USP12: variants seen among roughly 807,000 people sequenced by gnomAD.
USP12 encodes the protein ubiquitin carboxyl-terminal hydrolase 12.
In USP12, 19 loss-of-function variants were observed where a neutral mutation model predicts 45.5. The observed-to-expected ratio is 0.42, with a 90% CI of 0.29 to 0.61. The LOEUF (loss-of-function observed/expected upper bound fraction) is 0.61. Among genes scored for constraint, USP12 ranks in the 20% least tolerant of loss-of-function variants. The pLI is 0.22. For synonymous variants in USP12, 149 were observed against 148.8 expected (o/e 1.00, Z -0.01); for missense variants, 242 against 447.7 (o/e 0.54, Z 4.15).
chr13:27,095,665 G>C lies in USP12; in HGVS notation c.509C>G (p.Thr170Arg). 1 of 1,612,220 alleles carries C rather than the reference G, an allele frequency of 6.2e-7. No individual in the cohort carries two copies. Among genetic ancestry groups the C allele is most frequent in the Non-Finnish European group, 8.5e-7 (1 of 1,179,256 alleles). ...TCCCTGAAAAATCTCATGAACCCAC[G>C]TTGGGTCTGGTGTGCTGTTATTATT... ...NENNNSTPDP[T>R]WVHEIFQGTL... The change falls in exon 4 of 9, where the codon ACG becomes AGG. Residue 170 changes from threonine to arginine, a missense_variant. Physicochemically the swap from Thr to Arg is moderately conservative, Grantham distance 71. Transcript: ENST00000282344.
intron 1 of USP12, among the ~76,000 whole-genome samples, chr13:27,140,438 A>T (rs1190201706): frequency 6.6e-6 from 1 of 152,220 alleles, no homozygotes; most frequent in African/African-American, 2.4e-5. Context: ...ATCAATAAGG[A>T]ATATTAAGCA....
chr13:27,084,219 A>ACACAC (rs1565983887), intron 6 of USP12, among the ~76,000 whole-genome samples: 13 of 97,188 alleles, frequency 1.3e-4, no homozygotes, highest in African/African-American at 5.2e-4. Context: ...CACACACACA[A>ACACAC]ATTCCTGTCT....
intron 1 of USP12, among the ~76,000 whole-genome samples, chr13:27,146,388 C>T (rs1877308764): frequency 6.6e-6 from 1 of 152,034 alleles, no homozygotes; most frequent in Admixed American, 6.6e-5. Flanking sequence ...GGCAATAAAG[C>T]CAGACTCTGT....
At chr13:27,094,060 A>G (rs1489357211) in intron 4 of USP12, among the ~76,000 whole-genome samples, 1 of 152,140 alleles carries the variant, frequency 6.6e-6, no homozygotes, top group African/African-American at 2.4e-5. Flanking sequence ...TAGCAGCACA[A>G]CTGTCACAGT....
intron 1 of USP12, among the ~76,000 whole-genome samples, chr13:27,149,683 G>A (rs1877484915): frequency 6.6e-6 from 1 of 152,186 alleles, no homozygotes; most frequent in Admixed American, 6.5e-5. Context: ...AGCTCGATAG[G>A]AGGAATAAGT....
At chr13:27,123,072 A>G (rs1456810720) in intron 1 of USP12, among the ~76,000 whole-genome samples, 6 of 145,962 alleles carry the variant, frequency 4.1e-5, no homozygotes, top group Non-Finnish European at 7.5e-5. Context: ...AGCCTGGATG[A>G]CAGAGTGAGA....
intron 1 of USP12, chr13:27,169,280 G>A (rs1447034863): frequency 6.6e-6 from 1 of 152,144 alleles, no homozygotes; most frequent in Non-Finnish European, 1.5e-5. Context: ...TTCAAGTAAG[G>A]CTCCCTGCTT....
chr13:27,069,035 T>G lies in USP12; in HGVS notation c.*248A>C. 2.0e-6 allele frequency: 1 copy of G among 490,466 alleles called. No individual in the cohort carries two copies. The highest frequency in any genetic ancestry group is 3.6e-6 in the Non-Finnish European group (1 of 278,210). 30.4% of individuals were successfully genotyped at this position (490,466 alleles called of 1,614,324 possible). On this transcript the variant is annotated 3_prime_UTR_variant, in exon 9 of 9. Coordinates refer to ENST00000282344, the MANE Select transcript of USP12 (RefSeq NM_182488.4). ...TGGAAGGCTGTTTTAAAAGAGGAGC[T>G]GGTATCTCTGATTTCACCTCCTTGT...
At chr13:27,160,760 A>T (rs1165499080) in intron 1 of USP12, among the ~76,000 whole-genome samples, 1 of 152,044 alleles carries the variant, frequency 6.6e-6, no homozygotes, top group Non-Finnish European at 1.5e-5. Flanking sequence ...CTGTTCTTAA[A>T]AGAACCAAAG....
chr13:27,113,788 C>T (rs750409189), intron 2 of USP12, among the ~76,000 whole-genome samples: 1 of 152,142 alleles, frequency 6.6e-6, no homozygotes, highest in Non-Finnish European at 1.5e-5. Flanking sequence ...GACTCTCCAA[C>T]AATGTAAACC....
At chr13:27,095,251 G>A (rs1329903740) in intron 4 of USP12, among the ~76,000 whole-genome samples, 3 of 152,098 alleles carry the variant, frequency 2.0e-5, no homozygotes, top group Non-Finnish European at 2.9e-5. Context: ...AAAGGTAATC[G>A]TAGAAAAAGG....
chr13:27,148,235 A>G (rs1290041046), intron 1 of USP12, among the ~76,000 whole-genome samples: 1 of 152,226 alleles, frequency 6.6e-6, no homozygotes, highest in Admixed American at 6.5e-5. Context: ...GCTAGAAGCA[A>G]GTGTTCTCAA....
intron 3 of USP12, among the ~76,000 whole-genome samples, chr13:27,096,636 G>A (rs545328763): frequency 4.6e-5 from 7 of 152,234 alleles, no homozygotes; most frequent in Admixed American, 2.0e-4. Flanking sequence ...AAAATGGGAC[G>A]AGACAGAGTA....
intron 1 of USP12, among the ~76,000 whole-genome samples, chr13:27,150,977 T>C (rs952586986): frequency 1.1e-4 from 16 of 152,042 alleles, no homozygotes; most frequent in South Asian, 8.3e-4. Context: ...TGGCAAAGGA[T>C]TGACACAGGA....
intron 1 of USP12, among the ~76,000 whole-genome samples, chr13:27,131,409 G>C (rs1393178215): frequency 6.6e-6 from 1 of 152,190 alleles, no homozygotes; most frequent in African/African-American, 2.4e-5. Context: ...ATCAAATAGT[G>C]AATGTGAAAG....
chr13:27,117,544 C>G (rs770374337), intron 1 of USP12, among the ~76,000 whole-genome samples: 3 of 151,764 alleles, frequency 2.0e-5, no homozygotes, highest in Admixed American at 1.3e-4. Flanking sequence ...GGTTTACACA[C>G]AGAAACATGA....
At chr13:27,094,828 C>A (rs1174486555) in intron 4 of USP12, among the ~76,000 whole-genome samples, 1 of 151,958 alleles carries the variant, frequency 6.6e-6, no homozygotes, top group Non-Finnish European at 1.5e-5. Context: ...AAATTGGATT[C>A]TGTACTGAAT....
chr13:27,125,880 G>A (rs1006989725), intron 1 of USP12, among the ~76,000 whole-genome samples: 3 of 152,222 alleles, frequency 2.0e-5, no homozygotes, highest in African/African-American at 7.2e-5. Context: ...GATTGACCTG[G>A]GACGCTGGAG....
chr13:27,110,838 G>C lies in USP12; in HGVS notation c.130-4894C>G, dbSNP rs181352428. On this transcript the variant is annotated intron_variant, in intron 2 of 8. Coordinates refer to ENST00000282344, the MANE Select transcript of USP12 (RefSeq NM_182488.4). Reference sequence around the variant, plus strand: ...ATCTGGTTATATCAATTGAAGAGAAGATACAATCTCCATATTTTGGAATAG... The same window carrying C: ...ATCTGGTTATATCAATTGAAGAGAACATACAATCTCCATATTTTGGAATAG... Among the ~76,000 whole-genome samples, 920 of 152,214 alleles carry C rather than the reference G, an allele frequency of 6.0e-3. 5 individuals are homozygous for C. Among genetic ancestry groups the C allele is most frequent in the Middle Eastern group, 0.014 (4 of 294 alleles).
Sources: gnomAD v4.1 joint callset for allele counts (sites outside exome capture counted in the v4.1 genomes callset) on GRCh38, gnomAD v4.1.1 for gene constraint, MANE v1.5 for transcripts, NCBI Gene and HGNC (gene_info 2026-07-23, HGNC 2026-07-21) for gene names.